The following KIFBP variants were observed in gnomAD, a reference collection of about 807,000 sequenced individuals.
KIFBP encodes the protein KIF-binding protein.
Under a neutral mutation model 58.9 loss-of-function variants are expected in KIFBP, and 46 were observed. The observed-to-expected ratio is 0.78, with a 90% CI of 0.62 to 1.00. The LOEUF is 1.00. Ranked by LOEUF, KIFBP falls within the 50% of genes least tolerant of loss-of-function variation. The pLI is 0.00. For missense variants in KIFBP, 651 were observed against 752.9 expected (o/e 0.86, Z 1.58); for synonymous variants, 241 against 283.4 (o/e 0.85, Z 1.50).
intron 1 of KIFBP, among the ~76,000 whole-genome samples, chr10:68,998,337 TGA>T (rs1843428390): frequency 6.6e-6 from 1 of 152,140 alleles, no homozygotes; most frequent in African/African-American, 2.4e-5. Flanking sequence ...ATATCTATGA[TGA>T]TTGTAAAGTA....
At chr10:69,013,974 C>T (rs189697327) in intron 6 of KIFBP, among the ~76,000 whole-genome samples, 1 of 152,224 alleles carries the variant, frequency 6.6e-6, no homozygotes, top group East Asian at 1.9e-4. Flanking sequence ...TGGTCTTGAA[C>T]TCTTGAGCTC....
In KIFBP at chr10:69,005,817, T is replaced by A. The variant is rs1377923102; in HGVS notation, c.691T>A (p.Cys231Ser). ...LEMFEKAAHY[C>S]HSTLKRQLEH... is the part of the protein sequence containing the mutation. ...AATGTTTGAGAAGGCTGCTCACTAT[T>A]GCCATAGTACACTAAAACGCCAGCT... The change falls in exon 4 of 7, where the codon TGC (cysteine) becomes AGC (serine). Residue 231 changes from cysteine to serine, a missense_variant. Transcript: ENST00000361983. 6.2e-7 allele frequency: 1 copy of A among 1,613,806 alleles called. No homozygotes were observed. The highest frequency in any genetic ancestry group is 1.7e-5 in the Admixed American group (1 of 60,022).
At chr10:69,015,096 A>G (rs955577111) in intron 6 of KIFBP, among the ~76,000 whole-genome samples, 3 of 151,938 alleles carry the variant, frequency 2.0e-5, no homozygotes, top group African/African-American at 7.3e-5. Flanking sequence ...CTAATTTTTT[A>G]TATTTTTAGT....
Position 69,005,955 on chromosome 10 carries a change from G to A in KIFBP, c.789+40G>A, listed in dbSNP as rs150234453. On this transcript the variant is annotated intron_variant, in intron 4 of 6. Coordinates refer to ENST00000361983, the MANE Select transcript of KIFBP (RefSeq NM_015634.4). ...GTAGTTATCTAACAGAGTACCAATAGTGAGTATAAAAATAGAACCAGTAGT... is the reference window on the plus strand; with the variant it reads ...GTAGTTATCTAACAGAGTACCAATAATGAGTATAAAAATAGAACCAGTAGT... 1,268 of 1,556,106 alleles carry A rather than the reference G, an allele frequency of 8.1e-4. 13 individuals carry two copies. In the African/African-American group the frequency reaches 0.015, roughly 18 times the overall value.
At chr10:69,008,391 A>ATATATATATATATATATATATATATAT (rs1554843385) in intron 4 of KIFBP, among the ~76,000 whole-genome samples, 2 of 71,592 alleles carry the variant, frequency 2.8e-5, no homozygotes, top group African/African-American at 1.6e-4. Flanking sequence ...AAAAAAAAAA[A>ATATATATATATATATATATATATATAT]ATATATATAT....
intron 1 of KIFBP, among the ~76,000 whole-genome samples, chr10:68,996,090 G>A (rs1163242011): frequency 3.3e-5 from 5 of 151,900 alleles, no homozygotes; most frequent in African/African-American, 4.8e-5. Context: ...CCCGGGAGGC[G>A]GAGGTTGCAG....
At chr10:69,011,787 T>C (rs1203835129) in intron 6 of KIFBP, among the ~76,000 whole-genome samples, 1 of 146,876 alleles carries the variant, frequency 6.8e-6, no homozygotes, top group African/African-American at 2.5e-5. Flanking sequence ...GCTTCCTGGG[T>C]TCAAAGGATT....
In KIFBP at chr10:69,016,680, C is replaced by T; in HGVS notation, c.*264C>T. 2.4e-6 allele frequency: 1 copy of T among 420,374 alleles called. No individual in the cohort carries two copies. Among genetic ancestry groups the T allele is most frequent in the East Asian group, 4.2e-5 (1 of 23,846 alleles). The allele number at this position is 420,374 out of a possible 1,614,324, so 26.0% of individuals were successfully genotyped here. On this transcript the variant is annotated 3_prime_UTR_variant, in exon 7 of 7. Coordinates refer to ENST00000361983, the MANE Select transcript of KIFBP (RefSeq NM_015634.4). Reference sequence around the variant, plus strand: ...TCCTATTAAAATACAGACATTTCTACCCTCAGTTTCTAAATGTAGACTATT... The same window carrying T: ...TCCTATTAAAATACAGACATTTCTATCCTCAGTTTCTAAATGTAGACTATT...
At chr10:69,004,720 C>G in intron 2 of KIFBP, among the ~76,000 whole-genome samples, 1 of 152,042 alleles carries the variant, frequency 6.6e-6, no homozygotes, top group East Asian at 1.9e-4. Flanking sequence ...AAAAATTAGC[C>G]AGGACTGGTG....
rs1281074366 is a variant in KIFBP, at chr10:69,015,609, TGAG to T, written c.1065_1067del (p.Glu356del). 6.2e-7 allele frequency: 1 copy of T among 1,613,746 alleles called. No homozygotes were observed. The highest frequency in any genetic ancestry group is 1.7e-5 in the Admixed American group (1 of 59,932). On this transcript the variant is annotated inframe_deletion, in exon 7 of 7. Coordinates refer to ENST00000361983, the MANE Select transcript of KIFBP (RefSeq NM_015634.4). Reference sequence around the variant, plus strand: ...GAGCTTTAAGGAAAAAAGAACTAGATGAGGAGGAAAGCATTCGGAAAAAAGCTG... The same window carrying T: ...GAGCTTTAAGGAAAAAAGAACTAGATGAGGAAAGCATTCGGAAAAAAGCTG...
chr10:69,011,985 C>T (rs1843599486), intron 6 of KIFBP, among the ~76,000 whole-genome samples: 1 of 152,100 alleles, frequency 6.6e-6, no homozygotes, highest in African/African-American at 2.4e-5. Flanking sequence ...GCAACCACAC[C>T]TGGCCAAGCC....
At chr10:69,011,052 T>G (rs202223441) in intron 6 of KIFBP, 37 bp downstream of exon 6, 109 of 1,430,796 alleles carry the variant, frequency 7.6e-5, no homozygotes, top group Non-Finnish European at 1.0e-4. Flanking sequence ...CTTTCTTAAA[T>G]GAGGAAATTG....
chr10:68,989,310 G>A (rs1843315569), intron 1 of KIFBP, 52 bp downstream of exon 1: 2 of 1,594,244 alleles, frequency 1.3e-6, no homozygotes, highest in Non-Finnish European at 1.7e-6. Flanking sequence ...GCGAGGGATG[G>A]GGAGGAGCCC....
rs747405986 is a variant in KIFBP, at chr10:68,988,871, C to G, written c.39C>G (p.Phe13Leu). ...CGTGGGCAGAGGTCTGCGAGAAATT[C>G]CAGGCGGCGCTCGCTCTGTCGCGGG... ...NVPWAEVCEK[F>L]QAALALSRVE... Residue 13 changes from phenylalanine (F) to leucine (L), a missense_variant, in exon 1 of 7, where the codon TTC becomes TTG. Phe to Leu is a conservative substitution (Grantham distance 22). Transcript: ENST00000361983. 2.5e-6 allele frequency: 4 copies of G among 1,614,260 alleles called. No individual in the cohort carries two copies. Among genetic ancestry groups the G allele is most frequent in the Middle Eastern group, 1.6e-4 (1 of 6,062 alleles).
chr10:69,008,809 G>A (rs763052254), intron 4 of KIFBP, 32 bp from the exon 5 acceptor site: 1 of 1,485,376 alleles, frequency 6.7e-7, no homozygotes, highest in Admixed American at 1.7e-5. Flanking sequence ...CTGTGTGATA[G>A]TTGCATTCAC....
intron 1 of KIFBP, chr10:68,991,487 G>T (rs1196794507): frequency 5.0e-6 from 2 of 396,414 alleles, no homozygotes; most frequent in South Asian, 2.1e-5. Flanking sequence ...CGATGTCTCC[G>T]AACTAAGAAA....
chr10:68,991,116 GAAA>G (rs200144695), intron 1 of KIFBP: 1 of 151,792 alleles, frequency 6.6e-6, no homozygotes, highest in Non-Finnish European at 1.5e-5. Context: ...CTAAAAATAA[GAAA>G]AAAAAATTAT....
At chr10:69,004,168 C>T (rs1333495778) in intron 2 of KIFBP, among the ~76,000 whole-genome samples, 2 of 147,080 alleles carry the variant, frequency 1.4e-5, no homozygotes, top group South Asian at 2.2e-4. Flanking sequence ...TGCAGTGAGC[C>T]GAGATCGCAC....
chr10:68,995,449 G>C (rs960916171), intron 1 of KIFBP, among the ~76,000 whole-genome samples: 20 of 152,102 alleles, frequency 1.3e-4, no homozygotes, highest in African/African-American at 4.3e-4. Flanking sequence ...GGATTACATT[G>C]ATTTTTGTAA....
Sources: gnomAD v4.1 joint callset for allele counts (sites outside exome capture counted in the v4.1 genomes callset) on GRCh38, gnomAD v4.1.1 for gene constraint, MANE v1.5 for transcripts, NCBI Gene and HGNC (gene_info 2026-07-23, HGNC 2026-07-21) for gene names.